The following MRRF variants were observed in gnomAD, a reference collection of about 807,000 sequenced individuals.
MRRF encodes the protein mitochondrial ribosome recycling factor.
A neutral mutation model predicts 25.1 loss-of-function variants in MRRF; 18 were observed. The observed-to-expected ratio is 0.72, with a 90% CI of 0.50 to 1.06. The LOEUF is 1.06. Among genes scored for constraint, MRRF ranks in the 50% least tolerant of loss-of-function variants. MRRF has a pLI of 0.00. For missense variants in MRRF, 323 were observed against 319.3 expected (o/e 1.01, Z -0.09); for synonymous variants, 113 against 112.1 (o/e 1.01, Z -0.05).
In MRRF at chr9:122,271,022, A is replaced by G. The variant is rs768325596; in HGVS notation, c.131A>G (p.Tyr44Cys). The G allele has an allele frequency of 8.7e-6, 14 of 1,614,084 alleles. No homozygotes were observed. Among genetic ancestry groups the G allele is most frequent in the Non-Finnish European group, 1.2e-5 (14 of 1,180,016 alleles). ...VHERQHGHRQYMAYSAVPVRH... is the reference protein window; with the variant it reads ...VHERQHGHRQCMAYSAVPVRH... ...GAAAGACAACATGGCCATAGGCAATACATGGCCTATTCAGCTGTACCAGTC... is the reference window on the plus strand; with the variant it reads ...GAAAGACAACATGGCCATAGGCAATGCATGGCCTATTCAGCTGTACCAGTC... The change falls in exon 2 of 7, where the codon TAC becomes TGC. Residue 44 changes from tyrosine to cysteine, a missense_variant. Coordinates refer to ENST00000344641, the MANE Select transcript of MRRF (RefSeq NM_138777.5).
intron 1 of MRRF, among the ~76,000 whole-genome samples, chr9:122,267,430 A>G (rs1832186544): frequency 6.6e-6 from 1 of 151,916 alleles, no homozygotes; most frequent in Admixed American, 6.6e-5. Context: ...TATAATAGCT[A>G]CAATTTATTG....
At chr9:122,307,836 T>C (rs1834949621) in intron 5 of MRRF, among the ~76,000 whole-genome samples, 1 of 152,224 alleles carries the variant, frequency 6.6e-6, no homozygotes, top group African/African-American at 2.4e-5. Flanking sequence ...AAGAGCCTTC[T>C]GAAGTTGAGT....
At position 122,322,731 on chromosome 9, in the gene MRRF, C is replaced by T; in HGVS notation, c.*114C>T. Reference sequence around the variant, plus strand: ...ACACAGAAGACTGTCACCATGCTGACAGAAGCCTGTCCTTGTAAGGCCCAG... The same window carrying T: ...ACACAGAAGACTGTCACCATGCTGATAGAAGCCTGTCCTTGTAAGGCCCAG... On this transcript the variant is annotated 3_prime_UTR_variant, in exon 7 of 7. Coordinates refer to ENST00000344641, the MANE Select transcript of MRRF (RefSeq NM_138777.5). 4.3e-6 allele frequency: 4 copies of T among 926,046 alleles called. No homozygotes were observed. In the South Asian group the frequency reaches 5.6e-5, roughly 13 times the overall value. The allele number at this position is 926,046 out of a possible 1,614,324, so 57.4% of individuals were successfully genotyped here.
intron 2 of MRRF, among the ~76,000 whole-genome samples, chr9:122,274,754 C>T (rs1024759124): frequency 2.6e-5 from 4 of 151,964 alleles, no homozygotes; most frequent in African/African-American, 9.7e-5. Flanking sequence ...TTTTTATAGT[C>T]ATGTCCATTT....
intron 1 of MRRF, among the ~76,000 whole-genome samples, chr9:122,268,356 A>G (rs1183819233): frequency 6.6e-6 from 1 of 152,264 alleles, no homozygotes; most frequent in African/African-American, 2.4e-5. Flanking sequence ...CAACAGGAAT[A>G]CCAGGAAACC....
At chr9:122,284,386 G>A (rs928255844) in intron 3 of MRRF, among the ~76,000 whole-genome samples, 3 of 152,088 alleles carry the variant, frequency 2.0e-5, no homozygotes, top group African/African-American at 7.2e-5. Context: ...GTAAAGTGGG[G>A]GTAATAATGC....
intron 5 of MRRF, among the ~76,000 whole-genome samples, chr9:122,305,437 C>T (rs765782702): frequency 3.6e-4 from 54 of 149,874 alleles, no homozygotes; most frequent in Non-Finnish European, 4.7e-4. Flanking sequence ...AAAATTGTAA[C>T]GATGGGGTCT....
chr9:122,315,217 A>G (rs547295671), intron 6 of MRRF, among the ~76,000 whole-genome samples: 1 of 152,044 alleles, frequency 6.6e-6, no homozygotes, highest in Non-Finnish European at 1.5e-5. Flanking sequence ...GGGTCTCACT[A>G]TGTTGCCCAG....
In MRRF at chr9:122,328,361, C is replaced by T. The variant is rs368694996; in HGVS notation, c.*5744C>T. 2 of 152,356 alleles carry T rather than the reference C, an allele frequency of 1.3e-5. No homozygotes were observed. The highest frequency in any genetic ancestry group is 1.9e-4 in the East Asian group (1 of 5,188). 9.4% of individuals were successfully genotyped at this position (152,356 alleles called of 1,614,324 possible). A position where few individuals can be genotyped will look rare whatever the true frequency, so the allele number is the denominator to read the frequency against. On this transcript the variant is annotated 3_prime_UTR_variant, in exon 7 of 7. Coordinates refer to ENST00000344641, the MANE Select transcript of MRRF (RefSeq NM_138777.5). ...CTCCAGAACTCTTTACCATGCAGAA[C>T]TGACGCTCTATACCCATTACACAAC...
chr9:122,314,427 G>A (rs535228452), intron 6 of MRRF, among the ~76,000 whole-genome samples: 1 of 152,286 alleles, frequency 6.6e-6, no homozygotes, highest in East Asian at 1.9e-4. Flanking sequence ...AGCTCAATAT[G>A]TTTGGTACAA....
rs1359596922 is a variant in MRRF, at chr9:122,326,108, T to A, written c.*3491T>A. The A allele has an allele frequency of 7.1e-6, 1 of 140,834 alleles. No individual in the cohort carries two copies. The highest frequency in any genetic ancestry group is 7.2e-5 in the Admixed American group (1 of 13,982). 8.7% of individuals were successfully genotyped at this position (140,834 alleles called of 1,614,324 possible). ...GCCACTCTGCCTGGCCATATATAAT[T>A]TTTTTTTTTTTTTTTTTGCAATGGA... is the stretch of plus-strand genomic sequence containing the variant. On this transcript the variant is annotated 3_prime_UTR_variant, in exon 7 of 7. Transcript: ENST00000344641.
At chr9:122,306,391 C>A (rs1258631259) in intron 5 of MRRF, among the ~76,000 whole-genome samples, 1 of 152,004 alleles carries the variant, frequency 6.6e-6, no homozygotes, top group Non-Finnish European at 1.5e-5. Flanking sequence ...TAAGAGGGAC[C>A]GAATGGGAAC....
At chr9:122,265,094 A>G (rs1200994744) in intron 1 of MRRF, among the ~76,000 whole-genome samples, 156 bp downstream of exon 1, 1 of 139,316 alleles carries the variant, frequency 7.2e-6, no homozygotes, top group Non-Finnish European at 1.5e-5. Flanking sequence ...GACCTGTGGC[A>G]TTGGAGCGAG....
In MRRF at chr9:122,330,779, A is replaced by G. The variant is rs963730640; in HGVS notation, c.*8162A>G. Reference sequence around the variant, plus strand: ...ACCCCATCTCTACTAAAAATAAAAAATTTAGCCAGGTGTGGTGGCGGGCGC... The same window carrying G: ...ACCCCATCTCTACTAAAAATAAAAAGTTTAGCCAGGTGTGGTGGCGGGCGC... On this transcript the variant is annotated 3_prime_UTR_variant, in exon 7 of 7. Coordinates refer to ENST00000344641, the MANE Select transcript of MRRF (RefSeq NM_138777.5). The surrounding 1 kb of genome is among the most constrained non-coding windows in gnomAD (Gnocchi z 4.2). The G allele has an allele frequency of 5.3e-5, 8 of 152,188 alleles. No homozygotes were observed. The highest frequency in any genetic ancestry group is 1.9e-4 in the African/African-American group (8 of 41,426). 9.4% of individuals were successfully genotyped at this position (152,188 alleles called of 1,614,324 possible). A position where few individuals can be genotyped will look rare whatever the true frequency, so the allele number is the denominator to read the frequency against.
chr9:122,300,902 G>A (rs1013688477), intron 5 of MRRF, among the ~76,000 whole-genome samples: 1 of 152,190 alleles, frequency 6.6e-6, no homozygotes, highest in Non-Finnish European at 1.5e-5. Context: ...AGAAAATCTA[G>A]TGACTAGTCC....
At chr9:122,292,191 G>A (rs1176069735) in intron 5 of MRRF, among the ~76,000 whole-genome samples, 1 of 152,186 alleles carries the variant, frequency 6.6e-6, no homozygotes, top group Non-Finnish European at 1.5e-5. Flanking sequence ...TAAGGATGAT[G>A]GTGGCAGGGG....
chr9:122,322,127 A>G (rs183697107), intron 6 of MRRF, among the ~76,000 whole-genome samples: 1 of 152,258 alleles, frequency 6.6e-6, no homozygotes, highest in African/African-American at 2.4e-5. Flanking sequence ...TTGGGAGGCC[A>G]AGGCAGGAGG....
At chr9:122,286,133 T>C (rs1018618445) in intron 4 of MRRF, 10 of 1,267,162 alleles carry the variant, frequency 7.9e-6, no homozygotes, top group Non-Finnish European at 1.0e-5. Context: ...TGCTTCACTC[T>C]CTGGGCCTCC....
At chr9:122,291,696 C>A in intron 4 of MRRF, 53 bp from the exon 5 acceptor site, 1 of 1,272,608 alleles carries the variant, frequency 7.9e-7, no homozygotes, top group Non-Finnish European at 1.2e-6. Context: ...AGAGGGCTTG[C>A]ATCTGGTAAT....
Sources: gnomAD v4.1 joint callset for allele counts (sites outside exome capture counted in the v4.1 genomes callset) on GRCh38, gnomAD v4.1.1 for gene constraint, Gnocchi (gnomAD v3.1) non-coding constraint, MANE v1.5 for transcripts, NCBI Gene and HGNC (gene_info 2026-07-23, HGNC 2026-07-21) for gene names.